Variants in CACNA2D3 observed in about 807,000 individuals in gnomAD.
CACNA2D3 encodes calcium voltage-gated channel auxiliary subunit alpha2delta 3, also known as voltage-dependent calcium channel subunit alpha-2/delta-3.
CACNA2D3 carries 60 observed loss-of-function variants against 160.6 expected under a neutral mutation model. That is an observed-to-expected ratio of 0.37 (90% CI 0.30 to 0.46). CACNA2D3 has a LOEUF of 0.46. CACNA2D3 is among the 20% of genes least tolerant of loss of function. The pLI, the probability that CACNA2D3 is intolerant of heterozygous loss-of-function variation, is 1.00. For missense variants in CACNA2D3, 1,205 were observed against 1,365.0 expected (o/e 0.88, Z 1.85); for synonymous variants, 558 against 492.9 (o/e 1.13, Z -1.75).
chr3:54,894,234 A>T (rs1194864938), intron 25 of CACNA2D3, among the ~76,000 whole-genome samples: 3 of 152,188 alleles, frequency 2.0e-5, no homozygotes, highest in African/African-American at 7.2e-5. Flanking sequence ...CTGTAAAATC[A>T]GGTTGCTCCT....
At chr3:54,179,239 G>C (rs984418298) in intron 2 of CACNA2D3, among the ~76,000 whole-genome samples, 1 of 152,320 alleles carries the variant, frequency 6.6e-6, no homozygotes, top group East Asian at 1.9e-4. Flanking sequence ...ACTCAAAGTA[G>C]GAATGTGACC....
intron 2 of CACNA2D3, among the ~76,000 whole-genome samples, chr3:54,247,860 GCCATGCCTAGTA>G (rs56019501): frequency 0.89 from 135,203 of 151,796 alleles, 60,394 homozygotes; most frequent in Middle Eastern, 0.93. Flanking sequence ...TCTCATATCT[GCCATGCCTAGTA>G]CCATGCCTAG....
chr3:54,826,898 T>C (rs995938456), intron 14 of CACNA2D3, among the ~76,000 whole-genome samples: 19 of 152,250 alleles, frequency 1.2e-4, no homozygotes, highest in African/African-American at 4.6e-4. Flanking sequence ...AGAATTTCTC[T>C]GGCCTAGTCT....
At chr3:54,767,022 C>A (rs2107104625) in intron 13 of CACNA2D3, among the ~76,000 whole-genome samples, 1 of 151,486 alleles carries the variant, frequency 6.6e-6, no homozygotes, top group African/African-American at 2.4e-5. Context: ...ATTCCCTCCC[C>A]AAGCCATCTT....
At chr3:54,328,797 C>T (rs957219885) in intron 3 of CACNA2D3, among the ~76,000 whole-genome samples, 1 of 152,154 alleles carries the variant, frequency 6.6e-6, no homozygotes, top group Non-Finnish European at 1.5e-5. Context: ...GGGCCCTCCC[C>T]TTCTCCTCCC....
At chr3:55,012,237 C>T (rs1048752856) in intron 34 of CACNA2D3, among the ~76,000 whole-genome samples, 4 of 152,056 alleles carry the variant, frequency 2.6e-5, no homozygotes, top group African/African-American at 9.6e-5. Context: ...TTAAGCAATG[C>T]GTGCCAAGCC....
At chr3:54,550,396 C>T (rs1020537363) in intron 5 of CACNA2D3, among the ~76,000 whole-genome samples, 3 of 152,182 alleles carry the variant, frequency 2.0e-5, no homozygotes, top group South Asian at 2.1e-4. Context: ...TGATGGAGTG[C>T]GAGGGGGCCG....
chr3:54,715,825 A>G (rs1403882438), intron 11 of CACNA2D3, among the ~76,000 whole-genome samples: 1 of 152,216 alleles, frequency 6.6e-6, no homozygotes, highest in Admixed American at 6.5e-5. Context: ...CTTGGAGGAC[A>G]TTATGCTAAG....
At chr3:54,677,620 TGG>T (rs5849051) in intron 11 of CACNA2D3, among the ~76,000 whole-genome samples, 20,787 of 143,446 alleles carry the variant, frequency 0.14, 1,632 homozygotes, top group South Asian at 0.28. Flanking sequence ...GTTTTTTTTT[TGG>T]GGGGGGGGCA....
At chr3:54,353,444 G>A (rs955737572) in intron 3 of CACNA2D3, among the ~76,000 whole-genome samples, 1 of 149,844 alleles carries the variant, frequency 6.7e-6, no homozygotes, top group African/African-American at 2.5e-5. Flanking sequence ...GGTATAAGAA[G>A]GTCCAGGAAT....
At chr3:54,771,621 G>C (rs545001375) in intron 13 of CACNA2D3, among the ~76,000 whole-genome samples, 1 of 152,294 alleles carries the variant, frequency 6.6e-6, no homozygotes, top group African/African-American at 2.4e-5. Flanking sequence ...ACACAATGCT[G>C]TTTGTTTTCC....
At chr3:54,292,568 G>GA (rs1260212731) in intron 2 of CACNA2D3, among the ~76,000 whole-genome samples, 4 of 151,808 alleles carry the variant, frequency 2.6e-5, no homozygotes, top group Admixed American at 6.6e-5. Flanking sequence ...ATAAGTACAT[G>GA]AAAAAAAATC....
At chr3:54,538,723 A>G (rs1187625091) in intron 5 of CACNA2D3, among the ~76,000 whole-genome samples, 1 of 152,168 alleles carries the variant, frequency 6.6e-6, no homozygotes, top group African/African-American at 2.4e-5. Flanking sequence ...CCTGGTGCAA[A>G]GATGCGGAGA....
At chr3:54,594,030 G>T (rs975428163) in intron 9 of CACNA2D3, among the ~76,000 whole-genome samples, 2 of 152,000 alleles carry the variant, frequency 1.3e-5, no homozygotes, top group East Asian at 3.8e-4. Context: ...ATATACTACT[G>T]GGGAACTAAC....
At chr3:54,518,466 A>G (rs1459248847) in intron 5 of CACNA2D3, among the ~76,000 whole-genome samples, 1 of 152,212 alleles carries the variant, frequency 6.6e-6, no homozygotes, top group African/African-American at 2.4e-5. Flanking sequence ...AGATGGGGTC[A>G]CACAGAGTCC....
At chr3:54,176,317 A>G (rs2107317640) in intron 2 of CACNA2D3, among the ~76,000 whole-genome samples, 1 of 152,324 alleles carries the variant, frequency 6.6e-6, no homozygotes, top group Middle Eastern at 3.4e-3. Context: ...TATGTGTTTA[A>G]GGAAGAAACA....
intron 11 of CACNA2D3, among the ~76,000 whole-genome samples, chr3:54,731,847 C>G (rs1373621241): frequency 6.6e-6 from 1 of 151,956 alleles, no homozygotes; most frequent in Non-Finnish European, 1.5e-5. Context: ...ACGAACACTT[C>G]AGAACAAGCA....
intron 9 of CACNA2D3, among the ~76,000 whole-genome samples, chr3:54,586,213 G>A (rs373521364): frequency 7.1e-6 from 1 of 141,294 alleles, no homozygotes; most frequent in Non-Finnish European, 1.5e-5. Context: ...GCAGTGAGCC[G>A]AGATTGCACC....
At chr3:54,123,126 CCT>C (rs1169084934) in intron 1 of CACNA2D3, among the ~76,000 whole-genome samples, 6 of 151,328 alleles carry the variant, frequency 4.0e-5, no homozygotes, top group African/African-American at 9.7e-5. Flanking sequence ...GAATTTCCCC[CCT>C]CTTTGCTCTA....
Sources: gnomAD v4.1 joint callset for allele counts (sites outside exome capture counted in the v4.1 genomes callset) on GRCh38, gnomAD v4.1.1 for gene constraint, MANE v1.5 for transcripts, NCBI Gene and HGNC (gene_info 2026-07-23, HGNC 2026-07-21) for gene names.